THSD7A: variants seen among roughly 807,000 people sequenced by gnomAD.
THSD7A encodes the protein thrombospondin type-1 domain-containing protein 7A.
A neutral mutation model predicts 231.3 loss-of-function variants in THSD7A; 96 were observed. That is an observed-to-expected ratio of 0.41 (90% CI 0.35 to 0.49). THSD7A has a LOEUF of 0.49. Among genes scored for constraint, THSD7A ranks in the 20% least tolerant of loss-of-function variants. The pLI is 0.05. For missense variants in THSD7A, 2,290 were observed against 2,070.2 expected (o/e 1.11, Z -2.06); for synonymous variants, 940 against 743.3 (o/e 1.26, Z -4.30).
At position 11,460,737 on chromosome 7, in the gene THSD7A, G is replaced by C. The variant is rs1785475282; in HGVS notation, c.2530C>G (p.Gln844Glu). The C allele has an allele frequency of 1.9e-6, 3 of 1,612,436 alleles. No individual in the cohort carries two copies. Among genetic ancestry groups the C allele is most frequent in the Non-Finnish European group, 2.5e-6 (3 of 1,179,330 alleles). The change falls in exon 11 of 28, where the codon CAA (glutamine) becomes GAA (glutamate). Residue 844 changes from glutamine (Q) to glutamate (E), a missense_variant. Transcript: ENST00000423059. ...RWKTHKWRRC[Q>E]LVPWSVQQDS... ...TGTTGCACGCTCCAAGGGACTAATT[G>C]GCATCTGCGCCATTTGTGAGTCTTC...
intron 1 of THSD7A, among the ~76,000 whole-genome samples, chr7:11,696,313 T>A (rs1405237603): frequency 6.6e-6 from 1 of 151,476 alleles, no homozygotes; most frequent in Non-Finnish European, 1.5e-5. Context: ...TAGAAAAAAA[T>A]AGCACACTTC....
At chr7:11,492,891 C>T (rs547046290) in intron 6 of THSD7A, among the ~76,000 whole-genome samples, 4 of 152,002 alleles carry the variant, frequency 2.6e-5, no homozygotes, top group South Asian at 4.1e-4. Flanking sequence ...CACAGTCTGA[C>T]CCTTTAATCT....
At chr7:11,601,965 C>A (rs1780568521) in intron 2 of THSD7A, among the ~76,000 whole-genome samples, 1 of 152,126 alleles carries the variant, frequency 6.6e-6, no homozygotes, top group African/African-American at 2.4e-5. Flanking sequence ...ATTTTCTTAA[C>A]CTCACTTCTC....
chr7:11,679,292 A>G (rs1036885556), intron 1 of THSD7A, among the ~76,000 whole-genome samples: 11 of 152,206 alleles, frequency 7.2e-5, no homozygotes, highest in African/African-American at 2.7e-4. Flanking sequence ...CCAGCACAAG[A>G]CAAGGATGCC....
At position 11,412,817 on chromosome 7, in the gene THSD7A, C is replaced by A. The variant is rs769735405; in HGVS notation, c.3538-17G>T. 3 of 1,603,756 alleles carry A rather than the reference C, an allele frequency of 1.9e-6. No individual in the cohort carries two copies. Among genetic ancestry groups the A allele is most frequent in the Admixed American group, 1.7e-5 (1 of 58,398 alleles). ...ATTGCAAGGCTTAAAAAGAACAGTA[C>A]AAATTCTCAGAAAGGTGAATACTCA... is the stretch of plus-strand genomic sequence containing the variant. On this transcript the variant is annotated splice_polypyrimidine_tract_variant and intron_variant, in intron 17 of 27. Coordinates refer to ENST00000423059, the MANE Select transcript of THSD7A (RefSeq NM_015204.3).
chr7:11,539,434 G>T (rs1423870350), intron 6 of THSD7A, among the ~76,000 whole-genome samples: 1 of 152,174 alleles, frequency 6.6e-6, no homozygotes, highest in African/African-American at 2.4e-5. Context: ...AAATTTAATA[G>T]CAGTTGCATA....
At chr7:11,823,769 A>G (rs1784941939) in intron 1 of THSD7A, among the ~76,000 whole-genome samples, 2 of 152,042 alleles carry the variant, frequency 1.3e-5, no homozygotes, top group South Asian at 4.1e-4. Flanking sequence ...TTATTGGTAT[A>G]TATGAATGCT....
At chr7:11,421,731 A>G (rs1287603970) in intron 16 of THSD7A, among the ~76,000 whole-genome samples, 1 of 152,144 alleles carries the variant, frequency 6.6e-6, no homozygotes, top group Non-Finnish European at 1.5e-5. Flanking sequence ...TATTTGTACC[A>G]TTTTAAAAAT....
At chr7:11,799,016 G>A (rs747509961) in intron 1 of THSD7A, among the ~76,000 whole-genome samples, 1 of 151,680 alleles carries the variant, frequency 6.6e-6, no homozygotes, top group Admixed American at 6.6e-5. Context: ...TCTGCCTCCC[G>A]GGTTCAAGTG....
chr7:11,630,305 G>T (rs533069572), intron 2 of THSD7A, among the ~76,000 whole-genome samples: 34 of 152,282 alleles, frequency 2.2e-4, no homozygotes, highest in African/African-American at 5.1e-4. Flanking sequence ...ATGCCAGAAA[G>T]TCTGGGCCTG....
At chr7:11,669,538 ATTGT>A (rs560419798) in intron 1 of THSD7A, among the ~76,000 whole-genome samples, 44 of 152,038 alleles carry the variant, frequency 2.9e-4, no homozygotes, top group Non-Finnish European at 5.9e-4. Flanking sequence ...AATGACCAAC[ATTGT>A]TTGGGGAATT....
chr7:11,817,122 T>C (rs1784726210), intron 1 of THSD7A, among the ~76,000 whole-genome samples: 1 of 152,188 alleles, frequency 6.6e-6, no homozygotes, highest in South Asian at 2.1e-4. Context: ...TTGAACCACG[T>C]ATATTGACAT....
intron 13 of THSD7A, among the ~76,000 whole-genome samples, chr7:11,441,913 A>G (rs1322307405): frequency 6.6e-6 from 1 of 151,980 alleles, no homozygotes; most frequent in East Asian, 1.9e-4. Context: ...GCAAACCACC[A>G]TGGCGTATGT....
At chr7:11,400,752 C>G (rs957763031) in intron 23 of THSD7A, among the ~76,000 whole-genome samples, 5 of 152,116 alleles carry the variant, frequency 3.3e-5, no homozygotes, top group African/African-American at 9.7e-5. Context: ...TGCAAGTATT[C>G]TTTTCCAACA....
At chr7:11,376,249 G>T (rs1265191877) in intron 27 of THSD7A, among the ~76,000 whole-genome samples, 1 of 151,980 alleles carries the variant, frequency 6.6e-6, no homozygotes, top group Non-Finnish European at 1.5e-5. Context: ...AATATGATTA[G>T]GTATTACTGT....
intron 9 of THSD7A, among the ~76,000 whole-genome samples, chr7:11,467,808 T>C (rs1486696385): frequency 6.6e-6 from 1 of 151,920 alleles, no homozygotes; most frequent in Non-Finnish European, 1.5e-5. Context: ...CACAAATGTG[T>C]TTTCAAGAAC....
intron 4 of THSD7A, among the ~76,000 whole-genome samples, chr7:11,551,684 G>A (rs1789633807): frequency 6.6e-6 from 1 of 152,012 alleles, no homozygotes; most frequent in African/African-American, 2.4e-5. Flanking sequence ...CTATTAAAAA[G>A]TCAAAAAATA....
intron 1 of THSD7A, among the ~76,000 whole-genome samples, chr7:11,701,541 T>C (rs1780600790): frequency 6.6e-6 from 1 of 151,152 alleles, no homozygotes; most frequent in African/African-American, 2.4e-5. Context: ...CTTAGCTACA[T>C]TCTGCTTGGA....
At chr7:11,817,969 T>A (rs1784759724) in intron 1 of THSD7A, among the ~76,000 whole-genome samples, 1 of 152,200 alleles carries the variant, frequency 6.6e-6, no homozygotes, top group Non-Finnish European at 1.5e-5. Context: ...AGCTATGCAT[T>A]CAATTCTTTG....
Sources: allele counts gnomAD v4.1 joint callset (sites outside exome capture counted in the v4.1 genomes callset), GRCh38; gene constraint gnomAD v4.1.1; transcripts MANE v1.5; gene names NCBI Gene and HGNC (gene_info 2026-07-23, HGNC 2026-07-21).